The following CFAP299 variants were observed in gnomAD, a reference collection of about 807,000 sequenced individuals.
CFAP299 encodes the protein cilia- and flagella-associated protein 299.
CFAP299 carries 21 observed loss-of-function variants against 27.0 expected under a neutral mutation model. The observed-to-expected ratio is 0.78, with a 90% CI of 0.55 to 1.12. The LOEUF (loss-of-function observed/expected upper bound fraction) is 1.12, where lower values mean the gene tolerates loss of function less well. CFAP299 is among the 50% of genes most tolerant of loss of function. CFAP299 has a pLI of 0.00. For missense variants in CFAP299, 310 were observed against 276.6 expected, an observed-to-expected ratio of 1.12 and a Z score of -0.86; for synonymous variants, 104 against 98.1, an observed-to-expected ratio of 1.06 and a Z score of -0.36.
At chr4:80,864,453 T>C (rs1176660410) in intron 3 of CFAP299, among the ~76,000 whole-genome samples, 1 of 145,240 alleles carries the variant, frequency 6.9e-6, no homozygotes, top group Non-Finnish European at 1.5e-5. Context: ...TATATACCTA[T>C]ATAAGTATAT....
chr4:80,526,654 G>A (rs79156038), intron 2 of CFAP299, among the ~76,000 whole-genome samples: 2,764 of 152,012 alleles, frequency 0.018, 78 homozygotes, highest in African/African-American at 0.06. Context: ...TGGCACTTTT[G>A]TTACTGTGTT....
chr4:80,733,634 C>T (rs1326375510), intron 3 of CFAP299, among the ~76,000 whole-genome samples: 1 of 152,108 alleles, frequency 6.6e-6, no homozygotes. Flanking sequence ...TTCCCAGCCT[C>T]TGTGACCATT....
At chr4:80,912,168 A>G (rs1230053166) in intron 4 of CFAP299, among the ~76,000 whole-genome samples, 1 of 152,198 alleles carries the variant, frequency 6.6e-6, no homozygotes, top group East Asian at 1.9e-4. Context: ...ATTACATGCT[A>G]GTGCCTAATA....
intron 3 of CFAP299, among the ~76,000 whole-genome samples, chr4:80,801,461 C>T (rs1271413256): frequency 2.0e-5 from 3 of 151,996 alleles, no homozygotes; most frequent in Non-Finnish European, 4.4e-5. Flanking sequence ...GGGAAAAATG[C>T]ATTGCCAATC....
intron 2 of CFAP299, among the ~76,000 whole-genome samples, chr4:80,470,445 A>G (rs1368182271): frequency 7.2e-6 from 1 of 139,792 alleles, no homozygotes. Context: ...TGTTGTCATT[A>G]CAAACATGGT....
At chr4:80,585,932 G>C (rs1039139516) in intron 3 of CFAP299, among the ~76,000 whole-genome samples, 2 of 152,148 alleles carry the variant, frequency 1.3e-5, no homozygotes, top group Non-Finnish European at 2.9e-5. Context: ...GTAAGAAATA[G>C]TGATTTGTAG....
intron 4 of CFAP299, among the ~76,000 whole-genome samples, chr4:80,885,934 C>A (rs533091578): frequency 6.6e-6 from 1 of 152,278 alleles, no homozygotes; most frequent in African/African-American, 2.4e-5. Flanking sequence ...TCCTCTTGGA[C>A]AGCATTTCTG....
In CFAP299 at chr4:80,860,056, C is replaced by T. The variant is rs144457387; in HGVS notation, c.334-9937C>T. 9.1e-3 allele frequency among the ~76,000 whole-genome samples: 1,385 copies of T among 152,266 alleles called. 14 individuals are homozygous for T. The highest frequency in any genetic ancestry group is 0.02 in the Middle Eastern group (6 of 294). ...ATCACTTTCAGGTACACCAATCAAA[C>T]GTAGATTTGGTCTTTTCACATTGTC... On this transcript the variant is annotated intron_variant, in intron 3 of 5. Coordinates refer to ENST00000358105, the MANE Select transcript of CFAP299 (RefSeq NM_152770.3).
At chr4:80,707,761 C>G (rs1215473284) in intron 3 of CFAP299, among the ~76,000 whole-genome samples, 1 of 151,994 alleles carries the variant, frequency 6.6e-6, no homozygotes, top group Non-Finnish European at 1.5e-5. Flanking sequence ...ATGTTTCATT[C>G]AACTTCAATG....
intron 4 of CFAP299, among the ~76,000 whole-genome samples, chr4:80,911,562 A>C (rs2110203783): frequency 6.6e-6 from 1 of 152,298 alleles, no homozygotes; most frequent in South Asian, 2.1e-4. Flanking sequence ...ATTCAAACTG[A>C]GTGCATTCAT....
chr4:80,922,635 T>G (rs1736103163), intron 4 of CFAP299, among the ~76,000 whole-genome samples: 1 of 151,890 alleles, frequency 6.6e-6, no homozygotes, highest in Non-Finnish European at 1.5e-5. Context: ...GATATACATG[T>G]TACAATAAAG....
intron 2 of CFAP299, among the ~76,000 whole-genome samples, chr4:80,378,969 G>C (rs1724559490): frequency 6.6e-6 from 1 of 151,864 alleles, no homozygotes; most frequent in Non-Finnish European, 1.5e-5. Flanking sequence ...AAATAATTTA[G>C]GATGTTTTAC....
intron 3 of CFAP299, among the ~76,000 whole-genome samples, chr4:80,838,213 G>T (rs764098689): frequency 1.3e-5 from 2 of 152,072 alleles, no homozygotes; most frequent in Non-Finnish European, 2.9e-5. Flanking sequence ...TCTGTAGGTT[G>T]CCTGTTCACT....
intron 2 of CFAP299, among the ~76,000 whole-genome samples, chr4:80,396,219 A>C (rs1352691515): frequency 6.6e-6 from 1 of 152,172 alleles, no homozygotes; most frequent in Non-Finnish European, 1.5e-5. Context: ...ATAAAAACCC[A>C]CTACAATGGT....
chr4:80,553,172 A>T (rs1351536103), intron 2 of CFAP299, among the ~76,000 whole-genome samples: 1 of 151,876 alleles, frequency 6.6e-6, no homozygotes, highest in Non-Finnish European at 1.5e-5. Context: ...CCTCAAGTAG[A>T]CCCCAGTGTC....
intron 2 of CFAP299, among the ~76,000 whole-genome samples, chr4:80,455,685 A>G (rs1729111927): frequency 6.6e-6 from 1 of 152,248 alleles, no homozygotes; most frequent in South Asian, 2.1e-4. Flanking sequence ...CATGTAGCTC[A>G]AGAGACCATG....
At chr4:80,831,784 A>G (rs976020248) in intron 3 of CFAP299, among the ~76,000 whole-genome samples, 1 of 152,118 alleles carries the variant, frequency 6.6e-6, no homozygotes, top group Non-Finnish European at 1.5e-5. Context: ...GGGACATACC[A>G]TTTTAGCATC....
intron 3 of CFAP299, among the ~76,000 whole-genome samples, chr4:80,653,833 G>A (rs751424026): frequency 7.9e-5 from 12 of 151,974 alleles, no homozygotes; most frequent in Admixed American, 2.0e-4. Flanking sequence ...GATGTTATTC[G>A]TGTTAAACAA....
intron 3 of CFAP299, among the ~76,000 whole-genome samples, chr4:80,819,467 A>C (rs1230112202): frequency 6.6e-6 from 1 of 152,130 alleles, no homozygotes; most frequent in Non-Finnish European, 1.5e-5. Context: ...AGCCATATCC[A>C]CAAGACATAA....
Sources: allele counts gnomAD v4.1 joint callset (sites outside exome capture counted in the v4.1 genomes callset), GRCh38; gene constraint gnomAD v4.1.1; transcripts MANE v1.5; gene names NCBI Gene and HGNC (gene_info 2026-07-23, HGNC 2026-07-21).